The following ALKBH3 variants were observed in gnomAD, a reference collection of about 807,000 sequenced individuals.
The protein encoded by ALKBH3 is alkB homolog 3, alpha-ketoglutarate dependent dioxygenase.
ALKBH3 carries 51 observed loss-of-function variants against 43.9 expected under a neutral mutation model. The ratio of observed to expected loss-of-function variants is 1.16; its 90% CI spans 0.93 to 1.47. The LOEUF is 1.47. ALKBH3 is among the 40% of genes most tolerant of loss of function. ALKBH3 has a pLI of 0.00. For missense variants in ALKBH3, 361 were observed against 351.9 expected (o/e 1.03, Z -0.21); for synonymous variants, 102 against 115.2 (o/e 0.89, Z 0.73).
chr11:43,913,003 TGGTTCAAAAAGTCAA>T (rs1951952194), intron 8 of ALKBH3, among the ~76,000 whole-genome samples: 1 of 6,612 alleles, frequency 1.5e-4, no homozygotes, highest in Non-Finnish European at 9.0e-4. Flanking sequence ...AAGTCAACCA[TGGTTCAAAAAGTCAA>T]CCATGGTTCA....
At chr11:43,908,858 GA>G (rs2135199420) in intron 8 of ALKBH3, among the ~76,000 whole-genome samples, 1 of 152,324 alleles carries the variant, frequency 6.6e-6, no homozygotes, top group South Asian at 2.1e-4. Flanking sequence ...GATGCCTGCT[GA>G]GAGAGCTTGT....
chr11:43,884,174 C>A (rs1039213983), intron 4 of ALKBH3, among the ~76,000 whole-genome samples, 157 bp downstream of exon 4: 5 of 152,166 alleles, frequency 3.3e-5, no homozygotes, highest in Admixed American at 1.3e-4. Context: ...TAAACTTGAT[C>A]TTTTGAGAAG....
intron 8 of ALKBH3, among the ~76,000 whole-genome samples, chr11:43,913,317 C>T (rs963017986): frequency 2.0e-5 from 3 of 151,890 alleles, no homozygotes; most frequent in African/African-American, 4.8e-5. Context: ...GCATAGTACC[C>T]GATAGGTAGT....
At chr11:43,902,669 T>C (rs1189978153) in intron 8 of ALKBH3, among the ~76,000 whole-genome samples, 1 of 152,234 alleles carries the variant, frequency 6.6e-6, no homozygotes, top group African/African-American at 2.4e-5. Context: ...CGATCTCGGC[T>C]CACTGCAACC....
chr11:43,887,098 CTTAAAG>C lies in ALKBH3; in HGVS notation c.266+448_266+453del, dbSNP rs869101538. ...AACAAACCTGCATATGTACCCCAAA[CTTAAAG>C]TTTAAAAAAGTCTACTCCCTTATTT... On this transcript the variant is annotated intron_variant, in intron 5 of 9. Transcript: ENST00000302708. Among the ~76,000 whole-genome samples the C allele has an allele frequency of 6.6e-5, 10 of 152,294 alleles. No homozygotes were observed. The East Asian group carries it at 1.9e-3, about 29-fold the overall frequency.
At chr11:43,900,790 T>G (rs1951858040) in intron 7 of ALKBH3, among the ~76,000 whole-genome samples, 1 of 152,172 alleles carries the variant, frequency 6.6e-6, no homozygotes, top group Admixed American at 6.5e-5. Flanking sequence ...GGGTCATAGC[T>G]TCCTGTAATA....
In ALKBH3 at chr11:43,919,116, G is replaced by A. The variant is rs2135210954; in HGVS notation, c.748G>A (p.Ala250Thr). ...TGGGACCTTGTTAATCATGGAAGGA[G>A]CGACACAAGCTGACTGGCAGGTGAG... ...DHGTLLIMEGATQADWQHRVP... is the reference protein window; with the variant it reads ...DHGTLLIMEGTTQADWQHRVP... Residue 250 changes from alanine (A) to threonine (T), a missense_variant, in exon 9 of 10, where the codon GCG (alanine) becomes ACG (threonine). Ala to Thr is a moderately conservative substitution (Grantham distance 58, BLOSUM62 0). Coordinates refer to ENST00000302708, the MANE Select transcript of ALKBH3 (RefSeq NM_139178.4). The A allele has an allele frequency of 1.2e-6, 2 of 1,613,256 alleles. No homozygotes were observed. The highest frequency in any genetic ancestry group is 1.7e-6 in the Non-Finnish European group (2 of 1,179,314).
At chr11:43,900,775 G>A (rs1379038272) in intron 7 of ALKBH3, among the ~76,000 whole-genome samples, 1 of 152,106 alleles carries the variant, frequency 6.6e-6, no homozygotes, top group Non-Finnish European at 1.5e-5. Flanking sequence ...ACAATCTAAG[G>A]TCAGGGGTCA....
intron 7 of ALKBH3, chr11:43,898,462 A>T (rs1021894600): frequency 1.1e-6 from 1 of 906,036 alleles, no homozygotes; most frequent in Non-Finnish European, 1.8e-6. Context: ...CTGTATGCTC[A>T]GGCTGGGGCA....
rs1368478074 is a variant in ALKBH3, at chr11:43,898,165, A to G, written c.460-3351A>G. The G allele has an allele frequency of 6.5e-6, 8 of 1,234,572 alleles. No individual in the cohort carries two copies. The East Asian group carries it at 1.9e-4, about 29-fold the overall frequency. The allele number at this position is 1,234,572 out of a possible 1,614,324, so 76.5% of individuals were successfully genotyped here. Reference sequence around the variant, plus strand: ...CAAACTAGATGCTGACTACATCAAGAGATACCTGGGCGATTTGACTCCGCT... The same window carrying G: ...CAAACTAGATGCTGACTACATCAAGGGATACCTGGGCGATTTGACTCCGCT... On this transcript the variant is annotated intron_variant, in intron 7 of 9. Coordinates refer to ENST00000302708, the MANE Select transcript of ALKBH3 (RefSeq NM_139178.4).
intron 7 of ALKBH3, chr11:43,897,045 G>A (rs1207017260): frequency 5.6e-6 from 2 of 357,972 alleles, no homozygotes; most frequent in Non-Finnish European, 1.1e-5. Context: ...GGGCTCAAGC[G>A]ATCCTCCTGC....
intron 8 of ALKBH3, among the ~76,000 whole-genome samples, chr11:43,905,727 C>T (rs1951891772): frequency 6.6e-6 from 1 of 152,130 alleles, no homozygotes. Flanking sequence ...CTTTTTTATT[C>T]TATCAGGCTG....
At chr11:43,881,509 T>C (rs750930992) in intron 1 of ALKBH3, 2 of 152,284 alleles carry the variant, frequency 1.3e-5, no homozygotes, top group Non-Finnish European at 2.9e-5. Flanking sequence ...AGGGCCTCAA[T>C]TGAGAGAACA....
intron 6 of ALKBH3, among the ~76,000 whole-genome samples, 186 bp downstream of exon 6, chr11:43,890,014 G>A (rs191476669): frequency 1.5e-3 from 226 of 152,292 alleles, no homozygotes; most frequent in Non-Finnish European, 1.9e-3. Flanking sequence ...ACAGCAGGTG[G>A]AAGGCCCAGA....
Position 43,882,704 on chromosome 11 carries a change from G to A in ALKBH3, c.52G>A (p.Val18Ile). The A allele has an allele frequency of 6.2e-7, 1 of 1,613,452 alleles. No individual in the cohort carries two copies. The highest frequency in any genetic ancestry group is 8.5e-7 in the Non-Finnish European group (1 of 1,179,788). Residue 18 changes from valine to isoleucine, a missense_variant, in exon 2 of 10, where the codon GTT (valine) becomes ATT (isoleucine). Physicochemically the swap from Val to Ile is conservative, Grantham distance 29 (BLOSUM62 3). Transcript: ENST00000302708. ...ARVQGAWAAP[V>I]KSQAIAQPAT... ...AGTTCAGGGAGCCTGGGCTGCCCCT[G>A]TTAAAAGCCAGGCCATTGCTCAGCC...
chr11:43,892,011 C>T (rs1230629975), intron 6 of ALKBH3, 30 bp from the exon 7 acceptor site: 1 of 1,549,596 alleles, frequency 6.5e-7, no homozygotes, highest in Admixed American at 1.7e-5. Flanking sequence ...AGCATTAAAC[C>T]ATTTCAAAGG....
rs12785947 is a variant in ALKBH3 at position 43,900,216 on chromosome 11, T to A, written c.460-1300T>A. On this transcript the variant is annotated intron_variant, in intron 7 of 9. Transcript: ENST00000302708. The stretch of plus-strand genomic sequence containing the variant: ...TTGCATTTTTTTTATTTTAATTTAA[T>A]TTTTTTTTTTTTTTTTTTTTTTTTT... 0.015 allele frequency among the ~76,000 whole-genome samples: 147 copies of A among 9,976 alleles called. 3 individuals are homozygous for A. The South Asian group carries it at 0.17, about 12-fold the overall frequency. The allele number at this position is 9,976 out of a possible 152,430, so 6.5% of individuals were successfully genotyped here.
chr11:43,900,165 GATGTTAAC>G (rs1198369869), intron 7 of ALKBH3, among the ~76,000 whole-genome samples: 1 of 141,696 alleles, frequency 7.1e-6, no homozygotes, highest in Non-Finnish European at 1.5e-5. Context: ...TTAAAATGTT[GATGTTAAC>G]ATGTAATGGA....
chr11:43,900,369 G>T (rs12808936), intron 7 of ALKBH3, among the ~76,000 whole-genome samples: 1 of 151,386 alleles, frequency 6.6e-6, no homozygotes, highest in Non-Finnish European at 1.5e-5. Flanking sequence ...GACTACAGGC[G>T]CATGCCACCA....
Sources: allele counts gnomAD v4.1 joint callset (sites outside exome capture counted in the v4.1 genomes callset), GRCh38; gene constraint gnomAD v4.1.1; transcripts MANE v1.5; gene names NCBI Gene and HGNC (gene_info 2026-07-23, HGNC 2026-07-21).